The following PCDH15 variants were observed in gnomAD, a reference collection of about 807,000 sequenced individuals.
PCDH15 encodes the protein protocadherin-15.
PCDH15 carries 129 observed loss-of-function variants against 178.5 expected under a neutral mutation model. The ratio of observed to expected loss-of-function variants is 0.72; its 90% CI spans 0.63 to 0.84. The LOEUF (loss-of-function observed/expected upper bound fraction) is 0.84, where lower values mean the gene tolerates loss of function less well. Among genes scored for constraint, PCDH15 ranks in the 40% least tolerant of loss-of-function variants. PCDH15 has a pLI of 0.00. For missense variants in PCDH15, 2,230 were observed against 2,099.9 expected (o/e 1.06, Z -1.21); for synonymous variants, 800 against 732.0 (o/e 1.09, Z -1.50).
intron 1 of PCDH15, among the ~76,000 whole-genome samples, chr10:54,731,359 T>G (rs535304315): frequency 1.4e-3 from 214 of 150,244 alleles, no homozygotes; most frequent in Admixed American, 5.1e-3. Flanking sequence ...GTATGACAGT[T>G]TCTCAAAAAA....
chr10:54,274,103 T>C (rs2058206497), intron 8 of PCDH15, among the ~76,000 whole-genome samples: 1 of 151,722 alleles, frequency 6.6e-6, no homozygotes, highest in Non-Finnish European at 1.5e-5. Context: ...CATGGACACA[T>C]AGAGTGGGGG....
chr10:55,224,796 A>G (rs1379473534), intron 1 of PCDH15, among the ~76,000 whole-genome samples: 1 of 151,722 alleles, frequency 6.6e-6, no homozygotes, highest in Admixed American at 6.6e-5. Flanking sequence ...CCAACTTACA[A>G]CTCATCTCAC....
chr10:55,303,647 T>C (rs373016578), intron 1 of PCDH15, among the ~76,000 whole-genome samples: 56 of 152,320 alleles, frequency 3.7e-4, no homozygotes, highest in African/African-American at 1.3e-3. Flanking sequence ...TGGTGTTTTT[T>C]TTGGTAGAAA....
chr10:54,079,182 G>C, intron 17 of PCDH15, 149 bp downstream of exon 17: 1 of 803,192 alleles, frequency 1.2e-6, no homozygotes, highest in East Asian at 2.5e-5. Context: ...TGTATTAATA[G>C]CCTGTTGAAG....
intron 1 of PCDH15, among the ~76,000 whole-genome samples, chr10:54,707,715 C>T (rs1199271237): frequency 2.0e-5 from 3 of 152,064 alleles, no homozygotes; most frequent in Admixed American, 2.0e-4. Context: ...GAAAAACTGG[C>T]TATTTCATTT....
At chr10:54,856,915 G>A in intron 3 of PCDH15, among the ~76,000 whole-genome samples, 1 of 152,094 alleles carries the variant, frequency 6.6e-6, no homozygotes, top group East Asian at 1.9e-4. Context: ...TATTCTAACA[G>A]CTTTCAATTA....
At chr10:55,445,338 A>C (rs1236964757) in intron 2 of PCDH15, among the ~76,000 whole-genome samples, 2 of 152,092 alleles carry the variant, frequency 1.3e-5, no homozygotes, top group Non-Finnish European at 2.9e-5. Flanking sequence ...AAAACTCCCA[A>C]CCAGGGAAAA....
At chr10:53,945,853 A>G (rs1184128535) in intron 23 of PCDH15, among the ~76,000 whole-genome samples, 1 of 118,192 alleles carries the variant, frequency 8.5e-6, no homozygotes, top group African/African-American at 3.2e-5. Flanking sequence ...ATATATATAT[A>G]TATATATATA....
At chr10:55,615,625 T>C (rs1367069060) in intron 2 of PCDH15, among the ~76,000 whole-genome samples, 6 of 152,114 alleles carry the variant, frequency 3.9e-5, no homozygotes, top group Non-Finnish European at 8.8e-5. Context: ...ACCAGCCCTC[T>C]GATAGGCTGA....
At chr10:53,810,481 C>T in intron 37 of PCDH15, 75 bp downstream of exon 37, 1 of 1,329,190 alleles carries the variant, frequency 7.5e-7, no homozygotes, top group Non-Finnish European at 1.1e-6. Flanking sequence ...AAATGTTCTA[C>T]AGCCGCTAGT....
At chr10:55,367,863 T>C (rs575721569) in intron 2 of PCDH15, among the ~76,000 whole-genome samples, 22 of 152,206 alleles carry the variant, frequency 1.4e-4, no homozygotes, top group African/African-American at 5.1e-4. Flanking sequence ...ACCCAACACA[T>C]TGGAGCAATC....
chr10:54,212,617 C>A (rs1456922397), intron 10 of PCDH15, among the ~76,000 whole-genome samples: 1 of 152,062 alleles, frequency 6.6e-6, no homozygotes, highest in African/African-American at 2.4e-5. Context: ...GTGTCGTTAC[C>A]GCTTTTTACA....
chr10:54,260,705 C>A (rs2057254527), intron 8 of PCDH15, among the ~76,000 whole-genome samples: 1 of 152,070 alleles, frequency 6.6e-6, no homozygotes, highest in Non-Finnish European at 1.5e-5. Flanking sequence ...CTCAGCCTCC[C>A]AAGTAGCTGG....
intron 2 of PCDH15, among the ~76,000 whole-genome samples, chr10:55,073,238 G>T (rs1295667328): frequency 1.3e-5 from 2 of 152,184 alleles, no homozygotes; most frequent in African/African-American, 2.4e-5. Context: ...AGTGTTGGAA[G>T]TTCTGGCTAG....
At chr10:54,998,109 GA>G (rs1223377836) in intron 2 of PCDH15, among the ~76,000 whole-genome samples, 1 of 151,874 alleles carries the variant, frequency 6.6e-6, no homozygotes, top group African/African-American at 2.4e-5. Context: ...TGTTCTTATT[GA>G]AAAAAACAAT....
intron 25 of PCDH15, chr10:53,905,356 T>A (rs1426590195): frequency 2.3e-6 from 1 of 439,962 alleles, no homozygotes; most frequent in Non-Finnish European, 4.6e-6. Flanking sequence ...TTTTTTGAGA[T>A]GGAGTCTCCC....
chr10:54,711,184 G>A (rs2095424943), intron 1 of PCDH15, among the ~76,000 whole-genome samples: 1 of 151,952 alleles, frequency 6.6e-6, no homozygotes, highest in African/African-American at 2.4e-5. Context: ...ACTCAGAAGA[G>A]TTTCATTGAA....
chr10:55,028,524 T>C (rs1840531220), intron 2 of PCDH15, among the ~76,000 whole-genome samples: 1 of 152,028 alleles, frequency 6.6e-6, no homozygotes, highest in Non-Finnish European at 1.5e-5. Context: ...ATATCGTGAC[T>C]TTATAAAACA....
At chr10:54,534,986 A>T (rs1203290297) in intron 2 of PCDH15, among the ~76,000 whole-genome samples, 1 of 152,246 alleles carries the variant, frequency 6.6e-6, no homozygotes, top group African/African-American at 2.4e-5. Flanking sequence ...ATGGAAAAAG[A>T]CAATGATAGA....
Sources: allele counts gnomAD v4.1 joint callset (sites outside exome capture counted in the v4.1 genomes callset), GRCh38; gene constraint gnomAD v4.1.1; transcripts MANE v1.5; gene names NCBI Gene and HGNC (gene_info 2026-07-23, HGNC 2026-07-21).